The following GAS7 variants were observed in gnomAD, a reference collection of about 807,000 sequenced individuals.
GAS7 encodes growth arrest-specific protein 7.
GAS7 carries 28 observed loss-of-function variants against 71.1 expected under a neutral mutation model. That is an observed-to-expected ratio of 0.39 (90% CI 0.29 to 0.54). The LOEUF is 0.54. GAS7 is among the 20% of genes least tolerant of loss of function. The pLI is 0.62. For missense variants in GAS7, 436 were observed against 627.8 expected (o/e 0.69, Z 3.27); for synonymous variants, 258 against 245.8 (o/e 1.05, Z -0.46).
chr17:9,927,729 C>A (rs58420938), intron 9 of GAS7, among the ~76,000 whole-genome samples: 10 of 152,044 alleles, frequency 6.6e-5, no homozygotes, highest in Admixed American at 3.9e-4. Flanking sequence ...GGTCTCAGGT[C>A]AGTCCTATTT....
At chr17:10,167,609 G>A (rs564812089) in intron 1 of GAS7, among the ~76,000 whole-genome samples, 13 of 152,264 alleles carry the variant, frequency 8.5e-5, no homozygotes, top group South Asian at 8.3e-4. Context: ...TGCCACCTTT[G>A]AGAAGAGTCA....
chr17:9,932,908 C>T (rs1279114036), intron 9 of GAS7, among the ~76,000 whole-genome samples: 2 of 152,138 alleles, frequency 1.3e-5, no homozygotes, highest in East Asian at 3.9e-4. Flanking sequence ...AGTGGTGGCT[C>T]ACGCCTATAA....
At chr17:10,183,614 C>G (rs62064619) in intron 1 of GAS7, among the ~76,000 whole-genome samples, 3 of 151,734 alleles carry the variant, frequency 2.0e-5, no homozygotes, top group African/African-American at 7.3e-5. Context: ...CCGACACGGG[C>G]GGATCACGAG....
chr17:10,191,874 CAAAA>C (rs11303007), intron 1 of GAS7, among the ~76,000 whole-genome samples: 3 of 110,390 alleles, frequency 2.7e-5, no homozygotes, highest in Admixed American at 9.7e-5. Flanking sequence ...GACTCCATCT[CAAAA>C]AAAAAAAAAA....
At chr17:10,188,732 G>A (rs184486290) in intron 1 of GAS7, among the ~76,000 whole-genome samples, 92 of 152,216 alleles carry the variant, frequency 6.0e-4, no homozygotes, top group Admixed American at 1.7e-3. Flanking sequence ...TTGACCTCCC[G>A]GGTTCAAGCG....
At position 9,926,131 on chromosome 17, in the gene GAS7, CCTCT is replaced by C. The variant is rs1293024100; in HGVS notation, c.1014+506_1014+509del. On this transcript the variant is annotated intron_variant, in intron 10 of 13. Transcript: ENST00000432992. The surrounding 1 kb of genome is among the most constrained non-coding windows in gnomAD (Gnocchi z 5.0). ...GTCCCAGCAGTTTGAGCCCCCTTCT[CCTCT>C]CTAAGGCACTGGGGACTGGGAATCA... Among the ~76,000 whole-genome samples, 1 of 152,132 alleles carries C rather than the reference CCTCT, an allele frequency of 6.6e-6. No individual in the cohort carries two copies. The highest frequency in any genetic ancestry group is 1.9e-4 in the East Asian group (1 of 5,138).
At chr17:9,938,470 C>CAAAAA (rs34813185) in intron 8 of GAS7, among the ~76,000 whole-genome samples, 1 of 65,174 alleles carries the variant, frequency 1.5e-5, no homozygotes, top group African/African-American at 6.1e-5. Flanking sequence ...GACTCTGTCT[C>CAAAAA]AAAAAAAAAA....
intron 2 of GAS7, among the ~76,000 whole-genome samples, chr17:9,995,876 G>T (rs1394796036): frequency 6.6e-6 from 1 of 152,224 alleles, no homozygotes; most frequent in African/African-American, 2.4e-5. Flanking sequence ...GGACAATGAT[G>T]TATCGACAGG....
At chr17:10,012,960 G>A (rs922144678) in intron 2 of GAS7, among the ~76,000 whole-genome samples, 3 of 151,958 alleles carry the variant, frequency 2.0e-5, no homozygotes, top group Admixed American at 6.6e-5. Context: ...AAAATTAGCC[G>A]GGCGTGGTGG....
chr17:10,086,334 T>C (rs969982996), intron 1 of GAS7, among the ~76,000 whole-genome samples: 1 of 152,338 alleles, frequency 6.6e-6, no homozygotes, highest in East Asian at 1.9e-4. Flanking sequence ...CAGCCTGGAA[T>C]GTGTGCATGA....
At chr17:10,125,518 T>G (rs1597806327) in intron 1 of GAS7, among the ~76,000 whole-genome samples, 1 of 106,418 alleles carries the variant, frequency 9.4e-6, no homozygotes, top group Non-Finnish European at 1.8e-5. Flanking sequence ...AGAGCGAAAC[T>G]CCATCTTAAA....
At chr17:10,088,081 C>G (rs1457574408) in intron 1 of GAS7, among the ~76,000 whole-genome samples, 1 of 151,898 alleles carries the variant, frequency 6.6e-6, no homozygotes. Context: ...ATTAGCCAGG[C>G]ATGGTGGTGC....
In GAS7 at chr17:10,014,980, C is replaced by T. The variant is rs546891857; in HGVS notation, c.304+4797G>A. Among the ~76,000 whole-genome samples the T allele has an allele frequency of 1.2e-4, 19 of 152,002 alleles. No homozygotes were observed. In the East Asian group the frequency reaches 3.7e-3, roughly 29 times the overall value. On this transcript the variant is annotated intron_variant, in intron 2 of 13. Coordinates refer to ENST00000432992, the MANE Select transcript of GAS7 (RefSeq NM_201433.2). The stretch of plus-strand genomic sequence containing the variant: ...ACCATGCTGGCCAACATGGTGAAAC[C>T]CTGTCTCTACTAAAAATACAAAAAA...
intron 1 of GAS7, among the ~76,000 whole-genome samples, chr17:10,152,460 A>T (rs1164179327): frequency 6.6e-6 from 1 of 152,226 alleles, no homozygotes; most frequent in Non-Finnish European, 1.5e-5. Flanking sequence ...TGCGTGCATT[A>T]GCTCTTAACC....
chr17:9,968,306 C>T (rs1209400314), intron 4 of GAS7, among the ~76,000 whole-genome samples: 1 of 152,154 alleles, frequency 6.6e-6, no homozygotes, highest in Non-Finnish European at 1.5e-5. Flanking sequence ...ACTGCTAGTC[C>T]ACTGCTCAGG....
At chr17:9,939,532 G>T (rs2068521781) in intron 8 of GAS7, among the ~76,000 whole-genome samples, 1 of 152,152 alleles carries the variant, frequency 6.6e-6, no homozygotes, top group Non-Finnish European at 1.5e-5. Context: ...GCTACCAGGG[G>T]TCAGACCAGA....
chr17:10,149,357 C>T (rs2074146725), intron 1 of GAS7, among the ~76,000 whole-genome samples: 1 of 152,172 alleles, frequency 6.6e-6, no homozygotes, highest in South Asian at 2.1e-4. Flanking sequence ...CCCGCCTTGG[C>T]CTCCCAAAGT....
chr17:10,042,289 C>T (rs1283467643), intron 1 of GAS7, among the ~76,000 whole-genome samples: 1 of 108,852 alleles, frequency 9.2e-6, no homozygotes, highest in Admixed American at 9.9e-5. Context: ...AGCGAGACTC[C>T]GTCAAAAAAA....
intron 2 of GAS7, among the ~76,000 whole-genome samples, chr17:10,007,214 T>C (rs1184006086): frequency 6.6e-6 from 1 of 152,220 alleles, no homozygotes; most frequent in African/African-American, 2.4e-5. Context: ...TCTGAAGGTC[T>C]GTGATAGAAT....
Sources: allele counts gnomAD v4.1 joint callset (sites outside exome capture counted in the v4.1 genomes callset), GRCh38; gene constraint gnomAD v4.1.1; non-coding constraint Gnocchi (gnomAD v3.1); transcripts MANE v1.5; gene names NCBI Gene and HGNC (gene_info 2026-07-23, HGNC 2026-07-21).